The following EFCAB13 variants were observed in gnomAD, a reference collection of about 807,000 sequenced individuals.
EFCAB13 encodes the protein EF-hand calcium-binding domain-containing protein 13.
EFCAB13 carries 91 observed loss-of-function variants against 110.2 expected under a neutral mutation model. The observed-to-expected ratio is 0.83, with a 90% CI of 0.70 to 0.98. The LOEUF (loss-of-function observed/expected upper bound fraction) is 0.98, where lower values mean the gene tolerates loss of function less well. Among genes scored for constraint, EFCAB13 ranks in the 50% least tolerant of loss-of-function variants. The pLI is 0.00. For missense variants in EFCAB13, 968 were observed against 1,119.4 expected (o/e 0.86, Z 1.93); for synonymous variants, 323 against 369.9 (o/e 0.87, Z 1.45).
intron 6 of EFCAB13, among the ~76,000 whole-genome samples, chr17:47,343,286 T>A (rs185620218): frequency 1.3e-5 from 2 of 152,310 alleles, no homozygotes; most frequent in African/African-American, 4.8e-5. Context: ...TTTAAATGAA[T>A]TTTTTGGTTT....
intron 8 of EFCAB13, among the ~76,000 whole-genome samples, chr17:47,347,290 C>CA (rs765687200): frequency 6.6e-6 from 1 of 152,018 alleles, no homozygotes; most frequent in Non-Finnish European, 1.5e-5. Flanking sequence ...AAAAGACAAA[C>CA]AAAAATAGCA....
intron 9 of EFCAB13, among the ~76,000 whole-genome samples, chr17:47,357,130 G>T (rs2065485380): frequency 6.6e-6 from 1 of 152,142 alleles, no homozygotes; most frequent in South Asian, 2.1e-4. Flanking sequence ...GGTGAGCAGG[G>T]ATGAGAGCTT....
chr17:47,397,498 C>A (rs1387959650), intron 17 of EFCAB13, among the ~76,000 whole-genome samples: 4 of 149,994 alleles, frequency 2.7e-5, no homozygotes, highest in Non-Finnish European at 4.4e-5. Flanking sequence ...AGGAGCCCCT[C>A]TGCCTGGCTG....
chr17:47,347,205 A>G (rs2065422087), intron 8 of EFCAB13, among the ~76,000 whole-genome samples: 1 of 152,210 alleles, frequency 6.6e-6, no homozygotes. Context: ...ATTTCGCGAC[A>G]GGAGTTTGAG....
At chr17:47,332,888 A>G (rs1453417044) in intron 4 of EFCAB13, among the ~76,000 whole-genome samples, 1 of 152,196 alleles carries the variant, frequency 6.6e-6, no homozygotes, top group African/African-American at 2.4e-5. Flanking sequence ...GAGTGCAGAT[A>G]TCTCTTCAAC....
chr17:47,402,196 G>A lies in EFCAB13; in HGVS notation c.2010G>A (p.Arg670=), dbSNP rs1433294297. 6.2e-7 allele frequency: 1 copy of A among 1,613,112 alleles called. No individual in the cohort carries two copies. The highest frequency in any genetic ancestry group is 1.3e-5 in the African/African-American group (1 of 74,912). Residue 670 remains arginine (R), a synonymous_variant, in exon 18 of 25, where the codon AGG becomes AGA. Coordinates refer to ENST00000331493, the MANE Select transcript of EFCAB13 (RefSeq NM_152347.5). ...KVVRNMRDAA[R]LEELQEVVLA... The stretch of plus-strand genomic sequence containing the variant: ...TAAGGAATATGCGTGATGCTGCCAG[G>A]TTAGAAGGTAAGTACTGAATTATTT...
chr17:47,396,973 C>A (rs928609131), intron 17 of EFCAB13, among the ~76,000 whole-genome samples: 5 of 152,028 alleles, frequency 3.3e-5, no homozygotes, highest in Admixed American at 3.3e-4. Context: ...TGAACCAGAC[C>A]AACAAAGTAT....
intron 10 of EFCAB13, among the ~76,000 whole-genome samples, chr17:47,368,565 G>T (rs2065562651): frequency 6.6e-6 from 1 of 152,124 alleles, no homozygotes; most frequent in Non-Finnish European, 1.5e-5. Context: ...TCAATGTGGG[G>T]AATATTGCCA....
rs1286596435 is a variant in EFCAB13 at position 47,347,172 on chromosome 17, TAGG to T, written c.518-631_518-629del. On this transcript the variant is annotated intron_variant, in intron 8 of 24. Transcript: ENST00000331493. ...GTCCTAGCTACTGGAGAGGCTGAGG[TAGG>T]AGGATTGTTTAAGCCCAGGATTTCG... Among the ~76,000 whole-genome samples, 3 of 152,110 alleles carry T rather than the reference TAGG, an allele frequency of 2.0e-5. No homozygotes were observed. In the East Asian group the frequency reaches 5.8e-4, roughly 29 times the overall value.
chr17:47,334,070 G>C (rs1354956316), intron 4 of EFCAB13, among the ~76,000 whole-genome samples: 1 of 151,772 alleles, frequency 6.6e-6, no homozygotes, highest in Non-Finnish European at 1.5e-5. Context: ...CCATGAACTT[G>C]GGCTATTTTC....
intron 10 of EFCAB13, among the ~76,000 whole-genome samples, chr17:47,366,656 C>G (rs1036811756): frequency 2.0e-5 from 3 of 152,070 alleles, no homozygotes; most frequent in African/African-American, 7.2e-5. Context: ...TAGTTTCAAC[C>G]AGGAATCATT....
At chr17:47,353,405 C>A (rs1050263960) in intron 9 of EFCAB13, among the ~76,000 whole-genome samples, 4 of 151,996 alleles carry the variant, frequency 2.6e-5, no homozygotes. Flanking sequence ...AGGGATTCTC[C>A]TGCCTCAGCC....
At chr17:47,390,922 ATCTATCTG>A (rs988959338) in intron 14 of EFCAB13, among the ~76,000 whole-genome samples, 37 of 151,756 alleles carry the variant, frequency 2.4e-4, no homozygotes, top group Admixed American at 1.2e-3. Context: ...CTGTCTATCT[ATCTATCTG>A]TCTATCTATC....
intron 10 of EFCAB13, among the ~76,000 whole-genome samples, chr17:47,368,787 T>A (rs1271440780): frequency 6.6e-6 from 1 of 152,196 alleles, no homozygotes; most frequent in East Asian, 1.9e-4. Context: ...GTCTGTGGTT[T>A]ATGAAATATT....
intron 10 of EFCAB13, 48 bp downstream of exon 10, chr17:47,361,569 A>G (rs777520042): frequency 1.4e-6 from 2 of 1,476,336 alleles, no homozygotes; most frequent in Non-Finnish European, 1.8e-6. Context: ...ATGTGCATAT[A>G]TTTATACATT....
At chr17:47,330,757 CAT>C (rs374367884) in intron 4 of EFCAB13, among the ~76,000 whole-genome samples, 44 of 151,932 alleles carry the variant, frequency 2.9e-4, no homozygotes, top group African/African-American at 1.1e-3. Context: ...CTGAGATAAA[CAT>C]ATATGTGTAG....
chr17:47,398,368 C>T (rs1367792003), intron 17 of EFCAB13, among the ~76,000 whole-genome samples: 14 of 151,252 alleles, frequency 9.3e-5, no homozygotes, highest in African/African-American at 3.4e-4. Flanking sequence ...GTGTACCCAA[C>T]AGCTCATTGA....
At chr17:47,397,544 C>T (rs911305813) in intron 17 of EFCAB13, among the ~76,000 whole-genome samples, 9 of 150,936 alleles carry the variant, frequency 6.0e-5, no homozygotes, top group African/African-American at 2.0e-4. Flanking sequence ...TCTGCCCGGC[C>T]GCCATCCCAT....
chr17:47,351,298 T>TGCGC (rs1738229224), intron 9 of EFCAB13, among the ~76,000 whole-genome samples: 11 of 130,304 alleles, frequency 8.4e-5, no homozygotes, highest in Admixed American at 8.3e-4. Context: ...TGTGTGTGTG[T>TGCGC]GTGTGTGCGC....
Sources: allele counts gnomAD v4.1 joint callset (sites outside exome capture counted in the v4.1 genomes callset), GRCh38; gene constraint gnomAD v4.1.1; transcripts MANE v1.5; gene names NCBI Gene and HGNC (gene_info 2026-07-23, HGNC 2026-07-21).